The following SYT10 variants were observed in gnomAD, a reference collection of about 807,000 sequenced individuals.
SYT10 encodes synaptotagmin 10, also known as synaptotagmin-10.
A neutral mutation model predicts 51.1 loss-of-function variants in SYT10; 31 were observed. The ratio of observed to expected loss-of-function variants is 0.61; its 90% confidence interval spans 0.46 to 0.82. SYT10 has a LOEUF of 0.82. Ranked by LOEUF, SYT10 falls within the 40% of genes least tolerant of loss-of-function variation. SYT10 has a pLI of 0.00. For synonymous variants in SYT10, 233 were observed against 225.9 expected, an observed-to-expected ratio of 1.03 and a Z score of -0.28; for missense variants, 603 against 634.0, an observed-to-expected ratio of 0.95 and a Z score of 0.53.
chr12:33,439,088 A>ACGCGGAGAGG (rs1173437256), intron 1 of SYT10, among the ~76,000 whole-genome samples: 3 of 152,234 alleles, frequency 2.0e-5, no homozygotes, highest in Non-Finnish European at 1.5e-5. Context: ...GCGTGGGAGA[A>ACGCGGAGAGG]CGCGGAGAGG....
At chr12:33,423,766 T>C in intron 2 of SYT10, 1 of 347,396 alleles carries the variant, frequency 2.9e-6, no homozygotes, top group Non-Finnish European at 5.6e-6. Flanking sequence ...CTACATCCCT[T>C]TGGCGTTTAT....
intron 4 of SYT10, among the ~76,000 whole-genome samples, chr12:33,384,543 T>C (rs182650479): frequency 3.9e-5 from 6 of 152,316 alleles, no homozygotes; most frequent in Admixed American, 2.0e-4. Flanking sequence ...AAATTCTAAG[T>C]AATTACCCAG....
chr12:33,388,179 G>A (rs1046937508), intron 3 of SYT10, among the ~76,000 whole-genome samples: 5 of 151,996 alleles, frequency 3.3e-5, no homozygotes, highest in African/African-American at 1.2e-4. Context: ...TTTGTATTAG[G>A]GGTATTAAAC....
chr12:33,417,617 C>T (rs1336284523), intron 2 of SYT10, among the ~76,000 whole-genome samples: 7 of 152,198 alleles, frequency 4.6e-5, no homozygotes, highest in Non-Finnish European at 8.8e-5. Context: ...TGCTGTGCAG[C>T]ATTAGCTAGC....
intron 1 of SYT10, chr12:33,432,206 A>G (rs541532025): frequency 2.6e-5 from 4 of 152,252 alleles, no homozygotes; most frequent in Non-Finnish European, 5.9e-5. Context: ...ATTGTGCCAT[A>G]GTTTATTTGG....
intron 3 of SYT10, among the ~76,000 whole-genome samples, chr12:33,398,445 G>A (rs139608238): frequency 0.011 from 1,702 of 151,990 alleles, 15 homozygotes; most frequent in African/African-American, 0.029. Context: ...CCTGGGAGGC[G>A]GAGGTTGCAA....
intron 2 of SYT10, among the ~76,000 whole-genome samples, chr12:33,417,087 G>T (rs1343770763): frequency 6.6e-6 from 1 of 152,110 alleles, no homozygotes; most frequent in Non-Finnish European, 1.5e-5. Context: ...GAGGAAGAAG[G>T]TGATAGAAGT....
chr12:33,392,047 A>C (rs910485698), intron 3 of SYT10, among the ~76,000 whole-genome samples: 1 of 152,206 alleles, frequency 6.6e-6, no homozygotes, highest in Non-Finnish European at 1.5e-5. Flanking sequence ...AACCAGTCAT[A>C]ATAGTTTTGA....
At chr12:33,401,754 T>A (rs1230280495) in intron 3 of SYT10, among the ~76,000 whole-genome samples, 2 of 152,190 alleles carry the variant, frequency 1.3e-5, no homozygotes, top group Non-Finnish European at 2.9e-5. Flanking sequence ...CATCCCATTG[T>A]TTTTTCCTCT....
chr12:33,413,037 C>A (rs549707283), intron 2 of SYT10, among the ~76,000 whole-genome samples: 2 of 152,258 alleles, frequency 1.3e-5, no homozygotes, highest in South Asian at 4.1e-4. Flanking sequence ...GTGACAAATG[C>A]ACAAGCTTCA....
intron 4 of SYT10, 130 bp downstream of exon 4, chr12:33,385,041 G>C: frequency 8.6e-7 from 1 of 1,164,712 alleles, no homozygotes; most frequent in South Asian, 1.8e-5. Flanking sequence ...ATTTAAATTT[G>C]TAATCTTTTT....
rs367643965 is a variant in SYT10 at position 33,401,464 on chromosome 12, CTTTT to C, written c.1077+5321_1077+5324del. On this transcript the variant is annotated intron_variant, in intron 3 of 6. Coordinates refer to ENST00000228567, the MANE Select transcript of SYT10 (RefSeq NM_198992.4). ...GAATGAAGATTCACCTTTATTGTTTCTTTTGTCAGTATCAAATTTCAAAACAATT... is the reference window on the plus strand; with the variant it reads ...GAATGAAGATTCACCTTTATTGTTTCGTCAGTATCAAATTTCAAAACAATT... Among the ~76,000 whole-genome samples the C allele has an allele frequency of 4.0e-3, 607 of 152,206 alleles. 5 individuals carry two copies. The highest frequency in any genetic ancestry group is 0.014 in the African/African-American group (579 of 41,548).
At chr12:33,414,324 C>A (rs1866435241) in intron 2 of SYT10, among the ~76,000 whole-genome samples, 1 of 152,156 alleles carries the variant, frequency 6.6e-6, no homozygotes, top group African/African-American at 2.4e-5. Context: ...CAGCTCTGCA[C>A]CAAGCGGACC....
At chr12:33,438,179 C>G (rs1866653255) in intron 1 of SYT10, among the ~76,000 whole-genome samples, 1 of 152,186 alleles carries the variant, frequency 6.6e-6, no homozygotes, top group Non-Finnish European at 1.5e-5. Context: ...TTTGCTCCCT[C>G]CCAGCACGCA....
At position 33,407,327 on chromosome 12, in the gene SYT10, C is replaced by T; in HGVS notation, c.539G>A (p.Arg180Lys). 1 of 1,607,590 alleles carries T rather than the reference C, an allele frequency of 6.2e-7. No individual in the cohort carries two copies. Among genetic ancestry groups the T allele is most frequent in the Non-Finnish European group, 8.5e-7 (1 of 1,179,976 alleles). The change falls in exon 3 of 7, where the codon AGG (arginine) becomes AAG (lysine). Residue 180 changes from arginine to lysine, a missense_variant. Transcript: ENST00000228567. ...RHSSFRRHLPRQMQVSSVDFS... is the reference protein window; with the variant it reads ...RHSSFRRHLPKQMQVSSVDFS... ...ATCAACACTGGAAACCTGCATTTGC[C>T]TCGGCAGGTGTCTTCGGAAGGAACT...
Position 33,439,642 on chromosome 12 carries a change from A to G in SYT10, c.-120T>C. On this transcript the variant is annotated 5_prime_UTR_variant, in exon 1 of 7. Coordinates refer to ENST00000228567, the MANE Select transcript of SYT10 (RefSeq NM_198992.4). ...CCGCCCGCGGTGACTTTGGCTGGAG[A>G]TTGCGCCGCTGAGAGCCGGCAACTC... 1 of 1,284,972 alleles carries G rather than the reference A, an allele frequency of 7.8e-7. No homozygotes were observed. Among genetic ancestry groups the G allele is most frequent in the South Asian group, 1.5e-5 (1 of 68,346 alleles). 79.6% of individuals were successfully genotyped at this position (1,284,972 alleles called of 1,614,324 possible).
intron 1 of SYT10, among the ~76,000 whole-genome samples, chr12:33,427,358 G>C (rs141716731): frequency 1.3e-5 from 2 of 152,098 alleles, no homozygotes; most frequent in Admixed American, 6.5e-5. Context: ...CATAGAACTT[G>C]ACCCTGTACA....
chr12:33,386,938 T>C (rs1268681593), intron 3 of SYT10, among the ~76,000 whole-genome samples: 1 of 152,208 alleles, frequency 6.6e-6, no homozygotes, highest in Admixed American at 6.5e-5. Flanking sequence ...TTATATGTGG[T>C]CTTTGACTGC....
At chr12:33,411,133 C>A (rs1866401209) in intron 2 of SYT10, among the ~76,000 whole-genome samples, 1 of 152,066 alleles carries the variant, frequency 6.6e-6, no homozygotes, top group South Asian at 2.1e-4. Flanking sequence ...GTGGCCACAC[C>A]CTTAACCACC....
Sources: allele counts gnomAD v4.1 joint callset (sites outside exome capture counted in the v4.1 genomes callset), GRCh38; gene constraint gnomAD v4.1.1; transcripts MANE v1.5; gene names NCBI Gene and HGNC (gene_info 2026-07-23, HGNC 2026-07-21).